Variants in TCF7 observed in about 807,000 individuals in gnomAD.
The protein encoded by TCF7 is T-cell-factor-7.
Under a neutral mutation model 46.8 loss-of-function variants are expected in TCF7, and 19 were observed. The observed-to-expected ratio is 0.41, with a 90% CI of 0.28 to 0.60. The LOEUF (loss-of-function observed/expected upper bound fraction) is 0.60. TCF7 is among the 20% of genes least tolerant of loss of function. The pLI, the probability that TCF7 is intolerant of heterozygous loss-of-function variation, is 0.35. For synonymous variants in TCF7, 245 were observed against 213.4 expected, an observed-to-expected ratio of 1.15 and a Z score of -1.29; for missense variants, 547 against 504.6, an observed-to-expected ratio of 1.08 and a Z score of -0.81.
At chr5:134,145,418 C>A (rs577837566) in intron 9 of TCF7, 10 of 559,170 alleles carry the variant, frequency 1.8e-5, no homozygotes, top group South Asian at 1.4e-4. Context: ...CCAGGGGGTA[C>A]CCTGGGCTGT....
chr5:134,140,636 G>A, intron 5 of TCF7: 1 of 365,636 alleles, frequency 2.7e-6, no homozygotes, highest in South Asian at 2.0e-5. Context: ...TTTATAGAGG[G>A]AAACCGCACA....
upstream of TCF7, among the ~76,000 whole-genome samples, chr5:134,111,176 G>C (rs1755325586): frequency 1.3e-5 from 2 of 152,164 alleles, no homozygotes; most frequent in South Asian, 4.1e-4. Context: ...CAGCTAGTAA[G>C]TGGCACGGCA....
intron 9 of TCF7, chr5:134,145,740 G>C: frequency 6.2e-7 from 1 of 1,613,930 alleles, no homozygotes; most frequent in South Asian, 1.1e-5. Flanking sequence ...CATTCCATCA[G>C]AGACAAACTG....
At position 134,146,265 on chromosome 5, in the gene TCF7, G is replaced by A. The variant is rs777649874; in HGVS notation, c.1117G>A (p.Ala373Thr). 9.3e-6 allele frequency: 15 copies of A among 1,614,162 alleles called. No homozygotes were observed. The highest frequency in any genetic ancestry group is 7.7e-5 in the South Asian group (7 of 91,088). ...ATTCGGTACTTACCCGGAGAAGGCC[G>A]CTGCCCCAGCCCCGTTCCTTCCGAT... is the stretch of plus-strand genomic sequence containing the variant. The part of the protein sequence containing the change: ...NAFGTYPEKA[A>T]APAPFLPMTV... Residue 373 changes from alanine (A) to threonine (T), a missense_variant, in exon 10 of 10, where the codon GCT becomes ACT. Coordinates refer to ENST00000342854, the MANE Select transcript of TCF7 (RefSeq NM_003202.5).
At chr5:134,139,667 G>A (rs1387978168) in intron 5 of TCF7, 2 of 152,840 alleles carry the variant, frequency 1.3e-5, no homozygotes, top group African/African-American at 2.4e-5. Flanking sequence ...GTTGGGCCTT[G>A]GCAGGCTACT....
At chr5:134,142,085 C>A in intron 5 of TCF7, 100 bp from the exon 6 acceptor site, 7 of 1,537,242 alleles carry the variant, frequency 4.6e-6, no homozygotes, top group Non-Finnish European at 6.2e-6. Flanking sequence ...TATCTGTTCA[C>A]CTGTGTCCTC....
At chr5:134,116,345 C>T (rs1045885340) in intron 3 of TCF7, among the ~76,000 whole-genome samples, 5 of 152,304 alleles carry the variant, frequency 3.3e-5, no homozygotes, top group Admixed American at 1.3e-4. Flanking sequence ...ACTTTTGAGC[C>T]GAGACCACCC....
chr5:134,139,153 T>G, intron 5 of TCF7, 115 bp downstream of exon 5: 1 of 1,470,848 alleles, frequency 6.8e-7, no homozygotes, highest in South Asian at 1.3e-5. Context: ...CCAGCTCTGT[T>G]TAGATGCCAG....
At chr5:134,122,251 G>A (rs900047874) in intron 3 of TCF7, among the ~76,000 whole-genome samples, 4 of 152,122 alleles carry the variant, frequency 2.6e-5, no homozygotes, top group African/African-American at 9.7e-5. Context: ...CGGGAATTTA[G>A]GGCGGTTTGC....
intron 3 of TCF7, among the ~76,000 whole-genome samples, chr5:134,137,315 T>C (rs1007749239): frequency 6.6e-6 from 1 of 150,630 alleles, no homozygotes; most frequent in East Asian, 2.0e-4. Context: ...TTCCAGCTAC[T>C]CGGGAAGCTG....
At chr5:134,145,011 A>T in intron 9 of TCF7, 1 of 729,330 alleles carries the variant, frequency 1.4e-6, no homozygotes, top group South Asian at 1.6e-5. Flanking sequence ...AGGCCTCCTG[A>T]GAATAGTAGT....
At chr5:134,111,523 C>G (rs1013624268), upstream of TCF7, among the ~76,000 whole-genome samples, 1 of 151,996 alleles carries the variant, frequency 6.6e-6, no homozygotes, top group Non-Finnish European at 1.5e-5. Context: ...CAGGTGGCCT[C>G]GGGTGGGCTC....
At chr5:134,131,006 C>G (rs184862928) in intron 3 of TCF7, among the ~76,000 whole-genome samples, 10 of 152,250 alleles carry the variant, frequency 6.6e-5, no homozygotes, top group Admixed American at 2.6e-4. Context: ...ACCCCTTCCT[C>G]CTCAGATGAG....
rs76082501 is a variant in TCF7, at chr5:134,128,424, C to T, written c.442-9635C>T. Among the ~76,000 whole-genome samples the T allele has an allele frequency of 4.2e-3, 644 of 152,094 alleles. 5 individuals are homozygous for T. Among genetic ancestry groups the T allele is most frequent in the Admixed American group, 8.8e-3 (134 of 15,278 alleles). ...TGGTGCCTCCAGGAGCTCCTTTCCA[C>T]GCCTTGTTTCCCTTTGGATAAATGG... On this transcript the variant is annotated intron_variant, in intron 3 of 9. Coordinates refer to ENST00000342854, the MANE Select transcript of TCF7 (RefSeq NM_003202.5).
intron 1 of TCF7, 45 bp from the exon 2 acceptor site, chr5:134,115,276 C>G: frequency 6.6e-7 from 1 of 1,506,236 alleles, no homozygotes; most frequent in Non-Finnish European, 8.9e-7. Context: ...GGCCCCGACC[C>G]CCGCGGTCCC....
In TCF7 at chr5:134,146,602, G is replaced by A. The variant is rs1460938219; in HGVS notation, c.*299G>A. On this transcript the variant is annotated 3_prime_UTR_variant, in exon 10 of 10. Coordinates refer to ENST00000342854, the MANE Select transcript of TCF7 (RefSeq NM_003202.5). ...CCCAGATCTCATGGAAACTGGCCAG[G>A]GGTCCTGTTAACGTCATCTCAGGGT... The A allele has an allele frequency of 1.3e-5, 9 of 688,954 alleles. No homozygotes were observed. The highest frequency in any genetic ancestry group is 1.8e-5 in the Non-Finnish European group (7 of 378,494). 42.7% of individuals were successfully genotyped at this position (688,954 alleles called of 1,614,324 possible).
At chr5:134,127,879 C>A (rs1233236001) in intron 3 of TCF7, among the ~76,000 whole-genome samples, 1 of 152,198 alleles carries the variant, frequency 6.6e-6, no homozygotes, top group Non-Finnish European at 1.5e-5. Context: ...TTGGGACATA[C>A]TTGCTTTTGA....
At chr5:134,141,952 A>G (rs1759848564) in intron 5 of TCF7, 1 of 463,598 alleles carries the variant, frequency 2.2e-6, no homozygotes, top group African/African-American at 2.0e-5. Flanking sequence ...CTTGGGACCT[A>G]TGTAGTAACC....
intron 3 of TCF7, among the ~76,000 whole-genome samples, chr5:134,130,111 A>G (rs1757914148): frequency 6.6e-6 from 1 of 152,204 alleles, no homozygotes; most frequent in South Asian, 2.1e-4. Flanking sequence ...AGCGGGGGCT[A>G]GGGATAAAAG....
Sources: allele counts gnomAD v4.1 joint callset (sites outside exome capture counted in the v4.1 genomes callset), GRCh38; gene constraint gnomAD v4.1.1; transcripts MANE v1.5; gene names NCBI Gene and HGNC (gene_info 2026-07-23, HGNC 2026-07-21).